Variants in CFAP221 observed in about 807,000 individuals in gnomAD.
CFAP221 encodes cilia- and flagella-associated protein 221.
In CFAP221, 97 loss-of-function variants were observed where a neutral mutation model predicts 113.1. The ratio of observed to expected loss-of-function variants is 0.86; its 90% CI spans 0.73 to 1.02. The LOEUF (loss-of-function observed/expected upper bound fraction) is 1.02, where lower values mean the gene tolerates loss of function less well. CFAP221 is among the 50% of genes least tolerant of loss of function. CFAP221 has a pLI of 0.00. For missense variants in CFAP221, 1,025 were observed against 1,013.4 expected, an observed-to-expected ratio of 1.01 and a Z score of -0.16; for synonymous variants, 331 against 354.4, an observed-to-expected ratio of 0.93 and a Z score of 0.74.
chr2:119,637,496 TAGAC>T (rs1025974366), intron 19 of CFAP221, among the ~76,000 whole-genome samples: 14 of 152,300 alleles, frequency 9.2e-5, no homozygotes, highest in African/African-American at 1.7e-4. Context: ...TTTTAAAAGT[TAGAC>T]AAACAAACAA....
Position 119,629,919 on chromosome 2 carries a change from T to A in CFAP221, c.1695T>A (p.Val565=). ...LGLVPIKSSE[V]QIKQSYSFFN... ...TGGTCCCAATTAAGTCTTCAGAAGT[T>A]CAAATCAAGCAGAGTTATTCCTTCT... The change falls in exon 17 of 24, where the codon GTT becomes GTA. Residue 565 remains valine, a synonymous_variant. Coordinates refer to ENST00000413369, the MANE Select transcript of CFAP221 (RefSeq NM_001271049.2). The A allele has an allele frequency of 6.2e-7, 1 of 1,613,846 alleles. No individual in the cohort carries two copies. The highest frequency in any genetic ancestry group is 8.5e-7 in the Non-Finnish European group (1 of 1,179,746).
rs1300054388 is a variant in CFAP221 at position 119,595,992 on chromosome 2, A to G, written c.632-5226A>G. On this transcript the variant is annotated intron_variant, in intron 7 of 23. Transcript: ENST00000413369. ...CCATTGTGGCCAGGGTGTGTGAGCA[A>G]GGGGAGCAGTGTGCAAGGCCTATTG... Among the ~76,000 whole-genome samples the G allele has an allele frequency of 2.6e-5, 4 of 151,984 alleles. No homozygotes were observed. The East Asian group carries it at 7.8e-4, about 29-fold the overall frequency.
intron 8 of CFAP221, among the ~76,000 whole-genome samples, chr2:119,604,451 G>A (rs1684580494): frequency 1.3e-5 from 2 of 151,130 alleles, no homozygotes; most frequent in South Asian, 4.2e-4. Context: ...AGAATGTAAG[G>A]CAAAAAAAAA....
In CFAP221 at chr2:119,629,943, C is replaced by A. The variant is rs769980990; in HGVS notation, c.1719C>A (p.Phe573Leu). The change falls in exon 17 of 24, where the codon TTC (phenylalanine) becomes TTA (leucine). Residue 573 changes from phenylalanine (F) to leucine (L), a missense_variant. Coordinates refer to ENST00000413369, the MANE Select transcript of CFAP221 (RefSeq NM_001271049.2). ...SEVQIKQSYS[F>L]FNLQVPQLYK... is the part of the protein sequence containing the mutation. ...TTCAAATCAAGCAGAGTTATTCCTT[C>A]TTCAATCTGCAGGTCAGACCTGTCA... 2 of 1,611,404 alleles carry A rather than the reference C, an allele frequency of 1.2e-6. No individual in the cohort carries two copies. Among genetic ancestry groups the A allele is most frequent in the South Asian group, 2.2e-5 (2 of 90,986 alleles).
intron 14 of CFAP221, among the ~76,000 whole-genome samples, chr2:119,620,217 T>C (rs1247777462): frequency 6.6e-6 from 1 of 152,086 alleles, no homozygotes; most frequent in African/African-American, 2.4e-5. Context: ...CAGGCCAATA[T>C]TCAAATTCAG....
chr2:119,583,144 A>AGAAAACTC, intron 6 of CFAP221, among the ~76,000 whole-genome samples: 1 of 152,302 alleles, frequency 6.6e-6, no homozygotes, highest in South Asian at 2.1e-4. Context: ...TTTAACGAAA[A>AGAAAACTC]GAAAACTCAT....
At chr2:119,553,091 C>A (rs1357979639) in intron 3 of CFAP221, among the ~76,000 whole-genome samples, 1 of 152,124 alleles carries the variant, frequency 6.6e-6, no homozygotes, top group Non-Finnish European at 1.5e-5. Context: ...TCAAAACCAC[C>A]AAATAACTCA....
At chr2:119,600,501 A>G (rs919786494) in intron 7 of CFAP221, among the ~76,000 whole-genome samples, 1 of 152,240 alleles carries the variant, frequency 6.6e-6, no homozygotes, top group Non-Finnish European at 1.5e-5. Context: ...TGATGTGTAT[A>G]TATTTGTAGA....
chr2:119,625,859 C>A (rs1686272893), intron 15 of CFAP221, 171 bp downstream of exon 15: 2 of 597,704 alleles, frequency 3.3e-6, no homozygotes, highest in Non-Finnish European at 5.9e-6. Flanking sequence ...TTCCTCTTGT[C>A]ACCAGAGACT....
At chr2:119,595,050 T>C (rs758447506) in intron 7 of CFAP221, among the ~76,000 whole-genome samples, 1 of 152,172 alleles carries the variant, frequency 6.6e-6, no homozygotes. Flanking sequence ...TGTACAGTGG[T>C]CACGACTCTC....
chr2:119,571,955 TTGCCCCTTACTTTGGGGC>T (rs11271651), intron 6 of CFAP221, among the ~76,000 whole-genome samples: 28,732 of 151,752 alleles, frequency 0.19, 2,906 homozygotes, highest in African/African-American at 0.25. Context: ...TACTTTGGGG[TTGCCCCTTACTTTGGGGC>T]TGCCCCTTAC....
At chr2:119,639,011 T>G (rs1687302270) in intron 20 of CFAP221, among the ~76,000 whole-genome samples, 1 of 152,064 alleles carries the variant, frequency 6.6e-6, no homozygotes, top group South Asian at 2.1e-4. Flanking sequence ...TTTATGGACT[T>G]TGTGTAGTTA....
At chr2:119,552,158 CTTTT>C (rs772767971) in intron 3 of CFAP221, among the ~76,000 whole-genome samples, 5 of 96,562 alleles carry the variant, frequency 5.2e-5, no homozygotes, top group African/African-American at 7.7e-5. Flanking sequence ...TAAAACTGGC[CTTTT>C]TTTTTTTTTT....
chr2:119,646,871 A>T, intron 21 of CFAP221, 87 bp from the exon 22 acceptor site: 1 of 1,226,944 alleles, frequency 8.2e-7, no homozygotes, highest in Non-Finnish European at 1.2e-6. Context: ...GCCAGCAGTA[A>T]AATAAAAATT....
intron 7 of CFAP221, 47 bp downstream of exon 7, chr2:119,587,269 A>C (rs749877709): frequency 7.6e-7 from 1 of 1,307,642 alleles, no homozygotes; most frequent in Non-Finnish European, 1.0e-6. Context: ...AATAAGCTGC[A>C]TTCAAACGTT....
At chr2:119,659,690 C>T (rs1054694243), downstream of CFAP221, among the ~76,000 whole-genome samples, 2 of 40,022 alleles carry the variant, frequency 5.0e-5, no homozygotes, top group Non-Finnish European at 1.4e-4. Context: ...GCCTGACCTA[C>T]TAGCAGTTTC....
intron 2 of CFAP221, 95 bp from the exon 3 acceptor site, chr2:119,548,990 C>T (rs1680238175): frequency 1.3e-6 from 1 of 770,886 alleles, no homozygotes; most frequent in East Asian, 3.0e-5. Context: ...GCTTAAAATG[C>T]CCTAAATTAA....
At chr2:119,570,268 G>A (rs1405526319) in intron 6 of CFAP221, among the ~76,000 whole-genome samples, 1 of 152,170 alleles carries the variant, frequency 6.6e-6, no homozygotes, top group African/African-American at 2.4e-5. Context: ...GTGGGCTGGA[G>A]CTAAGTCTTT....
chr2:119,548,611 C>T (rs1029522551), intron 2 of CFAP221, among the ~76,000 whole-genome samples: 2 of 152,192 alleles, frequency 1.3e-5, no homozygotes, highest in African/African-American at 4.8e-5. Flanking sequence ...TATTACTCTA[C>T]ATCACATTGT....
Sources: allele counts gnomAD v4.1 joint callset (sites outside exome capture counted in the v4.1 genomes callset), GRCh38; gene constraint gnomAD v4.1.1; transcripts MANE v1.5; gene names NCBI Gene and HGNC (gene_info 2026-07-23, HGNC 2026-07-21).